The following KCNT2 variants were observed in gnomAD, a reference collection of about 807,000 sequenced individuals.
The protein encoded by KCNT2 is potassium sodium-activated channel subfamily T member 2.
KCNT2 carries 67 observed loss-of-function variants against 153.8 expected under a neutral mutation model. The ratio of observed to expected loss-of-function variants is 0.44; its 90% CI spans 0.36 to 0.53. The LOEUF (loss-of-function observed/expected upper bound fraction) is 0.53. Among genes scored for constraint, KCNT2 ranks in the 20% least tolerant of loss-of-function variants. KCNT2 has a pLI of 0.00. For synonymous variants in KCNT2, 500 were observed against 458.8 expected (o/e 1.09, Z -1.15); for missense variants, 975 against 1,354.8 (o/e 0.72, Z 4.40).
At chr1:196,418,057 C>G (rs1260861197) in intron 12 of KCNT2, among the ~76,000 whole-genome samples, 2 of 152,106 alleles carry the variant, frequency 1.3e-5, no homozygotes, top group Non-Finnish European at 2.9e-5. Flanking sequence ...ATGTTGAGTG[C>G]TATAATTATA....
intron 22 of KCNT2, among the ~76,000 whole-genome samples, 197 bp from the exon 23 acceptor site, chr1:196,285,955 C>T (rs1355857764): frequency 6.6e-6 from 1 of 151,964 alleles, no homozygotes; most frequent in Non-Finnish European, 1.5e-5. Context: ...AGTTAAAACA[C>T]CCAATAGTGA....
At chr1:196,419,700 G>A (rs576633221) in intron 12 of KCNT2, among the ~76,000 whole-genome samples, 69 of 152,056 alleles carry the variant, frequency 4.5e-4, no homozygotes, top group African/African-American at 1.6e-3. Context: ...TCAGAATTTT[G>A]AAAGCATTGT....
Position 196,373,178 on chromosome 1 carries a change from A to G in KCNT2, c.1365T>C (p.Ser455=), listed in dbSNP as rs376330168. 1.9e-6 allele frequency: 3 copies of G among 1,583,330 alleles called. No individual in the cohort carries two copies. In the East Asian group the frequency reaches 6.7e-5, roughly 36 times the overall value. The change falls in exon 14 of 28, where the codon TCT becomes TCC. Residue 455 remains serine (S), a synonymous_variant. Coordinates refer to ENST00000294725, the MANE Select transcript of KCNT2 (RefSeq NM_198503.5). ...LALNCICPAT[S]TLITLLVHTS... ...TATGAACCAGTAGTGTAATAAGTGTAGATGTTGCTGGGCATATACAGTTTA... is the reference window on the plus strand; with the variant it reads ...TATGAACCAGTAGTGTAATAAGTGTGGATGTTGCTGGGCATATACAGTTTA...
intron 22 of KCNT2, among the ~76,000 whole-genome samples, chr1:196,289,502 A>T (rs999905257): frequency 6.6e-6 from 1 of 152,128 alleles, no homozygotes; most frequent in African/African-American, 2.4e-5. Context: ...AATTTTTTCT[A>T]CTTATGTTAG....
In KCNT2 at chr1:196,396,807, A is replaced by G. The variant is rs1020602701; in HGVS notation, c.1294+1756T>C. Among the ~76,000 whole-genome samples, 8 of 151,568 alleles carry G rather than the reference A, an allele frequency of 5.3e-5. No individual in the cohort carries two copies. The East Asian group carries it at 1.6e-3, about 29-fold the overall frequency. ...TTAAAATAATGACAAAATGAGAATC[A>G]GAAAATAGATTAATACAAATAGTCC... On this transcript the variant is annotated intron_variant, in intron 13 of 27. Transcript: ENST00000294725.
At chr1:196,372,340 T>C (rs1668608695) in intron 14 of KCNT2, among the ~76,000 whole-genome samples, 2 of 151,928 alleles carry the variant, frequency 1.3e-5, no homozygotes. Flanking sequence ...TAAACAATTA[T>C]CAATTAACTT....
intron 14 of KCNT2, among the ~76,000 whole-genome samples, chr1:196,364,754 T>G (rs1667899093): frequency 6.6e-6 from 1 of 152,116 alleles, no homozygotes; most frequent in Admixed American, 6.6e-5. Context: ...ACAGATAAAC[T>G]TAACAGCTAA....
intron 25 of KCNT2, among the ~76,000 whole-genome samples, chr1:196,269,698 A>G (rs191033517): frequency 6.6e-6 from 1 of 152,244 alleles, no homozygotes; most frequent in East Asian, 1.9e-4. Flanking sequence ...ACCTATTGTT[A>G]TAAAGACACT....
intron 27 of KCNT2, among the ~76,000 whole-genome samples, chr1:196,232,404 C>A (rs1410747325): frequency 3.3e-5 from 5 of 151,626 alleles, no homozygotes; most frequent in African/African-American, 4.8e-5. Context: ...GCAAAAGTTC[C>A]TTTTCCTATT....
At chr1:196,369,122 TTAAG>T (rs1343693054) in intron 14 of KCNT2, among the ~76,000 whole-genome samples, 10 of 152,134 alleles carry the variant, frequency 6.6e-5, no homozygotes, top group African/African-American at 2.2e-4. Flanking sequence ...ATGGGACTAA[TTAAG>T]TATTGTGAAA....
chr1:196,399,356 G>A (rs1671225272), intron 12 of KCNT2, among the ~76,000 whole-genome samples: 1 of 151,624 alleles, frequency 6.6e-6, no homozygotes, highest in African/African-American at 2.4e-5. Context: ...GAAGCACAAA[G>A]GTGCTCTAGG....
At position 196,608,390 on chromosome 1, in the gene KCNT2, G is replaced by A. The variant is rs1396042486; in HGVS notation, c.-81C>T. 10 of 1,128,844 alleles carry A rather than the reference G, an allele frequency of 8.9e-6. No homozygotes were observed. Among genetic ancestry groups the A allele is most frequent in the Admixed American group, 5.3e-5 (3 of 56,118 alleles). 69.9% of individuals were successfully genotyped at this position (1,128,844 alleles called of 1,614,324 possible). On this transcript the variant is annotated 5_prime_UTR_variant, in exon 1 of 28. Coordinates refer to ENST00000294725, the MANE Select transcript of KCNT2 (RefSeq NM_198503.5). Reference sequence around the variant, plus strand: ...GAAAGAAAATATTGCGGAGTACAGGGAGAGGACTAACAAGACGCTGTGGCC... The same window carrying A: ...GAAAGAAAATATTGCGGAGTACAGGAAGAGGACTAACAAGACGCTGTGGCC...
intron 21 of KCNT2, among the ~76,000 whole-genome samples, chr1:196,312,796 A>C (rs1162192648): frequency 6.6e-6 from 1 of 151,778 alleles, no homozygotes; most frequent in African/African-American, 2.4e-5. Context: ...CGCATGCATA[A>C]TTAATGTATA....
intron 13 of KCNT2, among the ~76,000 whole-genome samples, chr1:196,375,454 T>C (rs1280644822): frequency 2.0e-5 from 3 of 151,834 alleles, no homozygotes; most frequent in African/African-American, 7.2e-5. Flanking sequence ...TTTTACTTTA[T>C]TATGTTTAGC....
At chr1:196,506,091 C>T (rs1362450881) in intron 1 of KCNT2, among the ~76,000 whole-genome samples, 1 of 151,990 alleles carries the variant, frequency 6.6e-6, no homozygotes, top group Non-Finnish European at 1.5e-5. Context: ...AAATATGTTG[C>T]GGAAAATATG....
chr1:196,334,136 T>C (rs1664759325), intron 16 of KCNT2, 76 bp from the exon 17 acceptor site: 2 of 816,326 alleles, frequency 2.4e-6, no homozygotes, highest in Non-Finnish European at 4.0e-6. Context: ...ACATGAAATA[T>C]GAAATATAAT....
At chr1:196,496,894 G>A (rs1680304226) in intron 1 of KCNT2, among the ~76,000 whole-genome samples, 1 of 152,184 alleles carries the variant, frequency 6.6e-6, no homozygotes, top group Middle Eastern at 3.2e-3. Flanking sequence ...CGCAGACATG[G>A]ACAGAATGTG....
chr1:196,247,999 G>C (rs561696163), intron 26 of KCNT2, among the ~76,000 whole-genome samples: 6 of 152,234 alleles, frequency 3.9e-5, no homozygotes, highest in African/African-American at 1.4e-4. Flanking sequence ...AGAGAACTAT[G>C]AAAACTATAC....
intron 8 of KCNT2, among the ~76,000 whole-genome samples, chr1:196,444,713 T>C (rs1403302619): frequency 6.6e-6 from 1 of 151,354 alleles, no homozygotes. Context: ...AACACTAAGA[T>C]ATTTGCATTA....
Sources: allele counts gnomAD v4.1 joint callset (sites outside exome capture counted in the v4.1 genomes callset), GRCh38; gene constraint gnomAD v4.1.1; transcripts MANE v1.5; gene names NCBI Gene and HGNC (gene_info 2026-07-23, HGNC 2026-07-21).